The following RALYL variants were observed in gnomAD, a reference collection of about 807,000 sequenced individuals.
RALYL encodes RALY RNA binding protein like.
Under a neutral mutation model 35.1 loss-of-function variants are expected in RALYL, and 29 were observed. The ratio of observed to expected loss-of-function variants is 0.83; its 90% CI spans 0.61 to 1.13. The LOEUF (loss-of-function observed/expected upper bound fraction) is 1.13, where lower values mean the gene tolerates loss of function less well. Ranked by LOEUF, RALYL falls within the 50% of genes most tolerant of loss-of-function variation. The pLI, the probability that RALYL is intolerant of heterozygous loss-of-function variation, is 0.00. For missense variants in RALYL, 359 were observed against 360.4 expected (o/e 1.00, Z 0.03); for synonymous variants, 120 against 127.6 (o/e 0.94, Z 0.40).
intron 1 of RALYL, among the ~76,000 whole-genome samples, chr8:84,187,046 A>G (rs971007518): frequency 3.5e-5 from 5 of 144,202 alleles, no homozygotes; most frequent in East Asian, 1.9e-4. Context: ...AGAAGGAGGG[A>G]AAAAAAAGTT....
chr8:84,680,022 C>T (rs1457749884), intron 2 of RALYL, among the ~76,000 whole-genome samples: 1 of 151,876 alleles, frequency 6.6e-6, no homozygotes, highest in African/African-American at 2.4e-5. Flanking sequence ...CCACGACAGG[C>T]CCCGGTGTGT....
At chr8:84,664,025 T>C (rs1160391394) in intron 2 of RALYL, among the ~76,000 whole-genome samples, 1 of 152,206 alleles carries the variant, frequency 6.6e-6, no homozygotes. Flanking sequence ...GTTTCAATCT[T>C]CTGCATATGC....
At chr8:84,425,308 A>G (rs1475631764) in intron 1 of RALYL, among the ~76,000 whole-genome samples, 6 of 151,754 alleles carry the variant, frequency 4.0e-5, no homozygotes, top group South Asian at 2.1e-4. Context: ...GAGTGACCCG[A>G]TTTTCCAGGT....
intron 2 of RALYL, among the ~76,000 whole-genome samples, chr8:84,695,712 G>A (rs1212137559): frequency 2.6e-5 from 4 of 151,812 alleles, no homozygotes; most frequent in Admixed American, 6.6e-5. Context: ...TCTGAGTAAT[G>A]AGAAATTGTT....
intron 2 of RALYL, among the ~76,000 whole-genome samples, chr8:84,585,883 C>T (rs1002182194): frequency 1.3e-5 from 2 of 152,022 alleles, no homozygotes; most frequent in Non-Finnish European, 2.9e-5. Context: ...GTGGAAAGTT[C>T]ATCCAAGAAT....
rs1012978435 is a variant in RALYL at position 84,850,025 on chromosome 8, T to C, written c.411T>C (p.Asn137=). ...DYDYYRDDFY[N]RLFDYHGRVP... ...ATTACTACAGAGATGATTTCTACAA[T>C]CGGTATGTGAATTTTTCATCCTTGT... The change falls in exon 5 of 9, where the codon AAT becomes AAC. Residue 137 remains asparagine, a splice_region_variant and synonymous_variant. Transcript: ENST00000521268. 2.7e-6 allele frequency: 4 copies of C among 1,471,246 alleles called. No individual in the cohort carries two copies. Among genetic ancestry groups the C allele is most frequent in the Non-Finnish European group, 3.6e-6 (4 of 1,103,026 alleles). The allele number at this position is 1,471,246 out of a possible 1,614,324, so 91.1% of individuals were successfully genotyped here. A position where few individuals can be genotyped will look rare whatever the true frequency, so the allele number is the denominator to read the frequency against.
intron 8 of RALYL, among the ~76,000 whole-genome samples, chr8:84,905,455 G>C (rs1017916667): frequency 4.6e-5 from 7 of 152,078 alleles, no homozygotes; most frequent in African/African-American, 1.7e-4. Flanking sequence ...GGATTGCTGG[G>C]TCATCTGATA....
chr8:84,572,193 TG>T (rs1393726421), intron 2 of RALYL, among the ~76,000 whole-genome samples: 3 of 151,554 alleles, frequency 2.0e-5, no homozygotes, highest in Admixed American at 1.3e-4. Context: ...ATGCAGCAGA[TG>T]TTTGGGTCTT....
intron 3 of RALYL, among the ~76,000 whole-genome samples, chr8:84,776,759 A>G (rs2133628074): frequency 6.6e-6 from 1 of 152,280 alleles, no homozygotes; most frequent in East Asian, 1.9e-4. Flanking sequence ...TGAGAATGGA[A>G]GCTCATGACA....
chr8:84,329,052 G>A (rs192710691), intron 1 of RALYL, among the ~76,000 whole-genome samples: 5 of 152,226 alleles, frequency 3.3e-5, no homozygotes, highest in Non-Finnish European at 5.9e-5. Flanking sequence ...ACTGGGAATA[G>A]AGCTGTGATG....
At chr8:84,771,116 GA>G (rs1815379391) in intron 2 of RALYL, among the ~76,000 whole-genome samples, 1 of 151,924 alleles carries the variant, frequency 6.6e-6, no homozygotes, top group African/African-American at 2.4e-5. Context: ...TTACATGAAA[GA>G]ATTCATACTG....
At chr8:84,430,293 C>G (rs1216948690) in intron 1 of RALYL, among the ~76,000 whole-genome samples, 1 of 152,078 alleles carries the variant, frequency 6.6e-6, no homozygotes, top group Non-Finnish European at 1.5e-5. Flanking sequence ...ATATATTTTC[C>G]TCTACCGTGC....
At chr8:84,854,191 C>G (rs993087586) in intron 5 of RALYL, among the ~76,000 whole-genome samples, 3 of 151,732 alleles carry the variant, frequency 2.0e-5, no homozygotes, top group Admixed American at 6.6e-5. Flanking sequence ...ACTAAAAATA[C>G]AAAAATTAGC....
At chr8:84,855,618 A>G (rs1269279553) in intron 5 of RALYL, among the ~76,000 whole-genome samples, 1 of 152,246 alleles carries the variant, frequency 6.6e-6, no homozygotes, top group Non-Finnish European at 1.5e-5. Context: ...TAAATGTAGG[A>G]CATTGTATGT....
intron 1 of RALYL, among the ~76,000 whole-genome samples, chr8:84,271,435 G>C (rs1480988486): frequency 6.7e-6 from 1 of 149,428 alleles, no homozygotes; most frequent in Non-Finnish European, 1.5e-5. Context: ...ATTGGGGATA[G>C]TTTGCATCTA....
At position 84,692,268 on chromosome 8, in the gene RALYL, G is replaced by C. The variant is rs7820173; in HGVS notation, c.257-82311G>C. On this transcript the variant is annotated intron_variant, in intron 2 of 8. Transcript: ENST00000521268. ...GAAATAAAAAACATCCCTATTTATA[G>C]ACAACTTGATTGAACATATAGAAAA... 3.8e-3 allele frequency among the ~76,000 whole-genome samples: 576 copies of C among 152,002 alleles called. 6 individuals carry two copies. Among genetic ancestry groups the C allele is most frequent in the African/African-American group, 0.013 (546 of 41,482 alleles).
chr8:84,352,035 G>A lies in RALYL; in HGVS notation c.-24+167611G>A, dbSNP rs532747097. ...CTGAATCTTACCCCACATTGGAGAC[G>A]AAGCTGCAGAGAAAGTTGTTCTTTT... On this transcript the variant is annotated intron_variant, in intron 1 of 8. Transcript: ENST00000521268. Among the ~76,000 whole-genome samples, 18 of 150,452 alleles carry A rather than the reference G, an allele frequency of 1.2e-4. 1 individual carries two copies. Among genetic ancestry groups the A allele is most frequent in the Non-Finnish European group, 1.6e-4 (11 of 67,706 alleles).
chr8:84,529,701 T>A, intron 2 of RALYL, 124 bp downstream of exon 2: 1 of 685,270 alleles, frequency 1.5e-6, no homozygotes, highest in Non-Finnish European at 2.2e-6. Context: ...TGATTTTATA[T>A]TTATTATTTA....
chr8:84,863,843 A>G (rs180896136), intron 6 of RALYL, among the ~76,000 whole-genome samples: 2 of 152,332 alleles, frequency 1.3e-5, no homozygotes, highest in East Asian at 3.9e-4. Flanking sequence ...GTATTCATGT[A>G]TCTATTCTGT....
Sources: gnomAD v4.1 joint callset for allele counts (sites outside exome capture counted in the v4.1 genomes callset) on GRCh38, gnomAD v4.1.1 for gene constraint, MANE v1.5 for transcripts, NCBI Gene and HGNC (gene_info 2026-07-23, HGNC 2026-07-21) for gene names.